The following PCDHA8 variants were observed in gnomAD, a reference collection of about 807,000 sequenced individuals.
PCDHA8 encodes the protein protocadherin alpha-8.
A neutral mutation model predicts 61.8 loss-of-function variants in PCDHA8; 53 were observed. The ratio of observed to expected loss-of-function variants is 0.86; its 90% confidence interval spans 0.69 to 1.08. The LOEUF is 1.08. Among genes scored for constraint, PCDHA8 ranks in the 50% least tolerant of loss-of-function variants. PCDHA8 has a pLI of 0.00. For missense variants in PCDHA8, 1,293 were observed against 1,245.0 expected, an observed-to-expected ratio of 1.04 and a Z score of -0.58; for synonymous variants, 618 against 556.6, an observed-to-expected ratio of 1.11 and a Z score of -1.55.
Position 140,842,580 on chromosome 5 carries a change from C to G in PCDHA8, c.1259C>G (p.Ala420Gly). The part of the protein sequence containing the change: ...DSALDRERVS[A>G]YELVVTARDG... ...GCCCTGGACCGCGAGAGAGTGTCGG[C>G]CTATGAGTTGGTGGTAACCGCGCGG... Residue 420 changes from alanine (A) to glycine (G), a missense_variant, in exon 1 of 4, where the codon GCC (alanine) becomes GGC (glycine). By Grantham distance (60) the Ala-to-Gly change is moderately conservative. Coordinates refer to ENST00000531613, the MANE Select transcript of PCDHA8 (RefSeq NM_018911.3). 1 of 1,517,750 alleles carries G rather than the reference C, an allele frequency of 6.6e-7. No homozygotes were observed. The highest frequency in any genetic ancestry group is 9.0e-7 in the Non-Finnish European group (1 of 1,116,480). The allele number at this position is 1,517,750 out of a possible 1,614,324, so 94.0% of individuals were successfully genotyped here. A position where few individuals can be genotyped will look rare whatever the true frequency, so the allele number is the denominator to read the frequency against.
intron 1 of PCDHA8, chr5:140,927,020 T>G: frequency 6.2e-7 from 1 of 1,612,524 alleles, no homozygotes; most frequent in Non-Finnish European, 8.5e-7. Flanking sequence ...TCCGCGGACT[T>G]GAGGCTGCCA....
At chr5:140,968,849 G>A in intron 1 of PCDHA8, 1 of 1,614,206 alleles carries the variant, frequency 6.2e-7, no homozygotes, top group East Asian at 2.2e-5. Context: ...TCAGAGGCAT[G>A]TTAAGAGCCC....
intron 1 of PCDHA8, among the ~76,000 whole-genome samples, chr5:140,934,320 T>C (rs910163789): frequency 6.6e-6 from 1 of 152,154 alleles, no homozygotes; most frequent in Non-Finnish European, 1.5e-5. Flanking sequence ...AAATGTCCAA[T>C]CATGAATGTA....
chr5:140,943,305 CATT>C (rs1322564942), intron 1 of PCDHA8, among the ~76,000 whole-genome samples: 13 of 146,998 alleles, frequency 8.8e-5, no homozygotes, highest in African/African-American at 3.0e-4. Flanking sequence ...TTTGGGAAGT[CATT>C]ATTAGCAATA....
intron 1 of PCDHA8, chr5:140,926,634 T>C (rs2083423230): frequency 6.8e-6 from 3 of 438,778 alleles, no homozygotes; most frequent in Non-Finnish European, 1.2e-5. Context: ...GCTGCGCTCC[T>C]CAACACCCGG....
In PCDHA8 at chr5:141,010,896, A is replaced by G. The variant is rs1433932699; in HGVS notation, c.*959A>G. 6.5e-6 allele frequency: 1 copy of G among 153,790 alleles called. No individual in the cohort carries two copies. The highest frequency in any genetic ancestry group is 1.5e-5 in the Non-Finnish European group (1 of 68,052). The allele number at this position is 153,790 out of a possible 1,614,324, so 9.5% of individuals were successfully genotyped here. A position where few individuals can be genotyped will look rare whatever the true frequency, so the allele number is the denominator to read the frequency against. Reference sequence around the variant, plus strand: ...ATCTTTAAAGAGAAATATGAATACAATTCCCCTAAACTCTCCTCAAAAGAG... The same window carrying G: ...ATCTTTAAAGAGAAATATGAATACAGTTCCCCTAAACTCTCCTCAAAAGAG... On this transcript the variant is annotated 3_prime_UTR_variant, in exon 4 of 4. Coordinates refer to ENST00000531613, the MANE Select transcript of PCDHA8 (RefSeq NM_018911.3).
intron 1 of PCDHA8, chr5:140,867,560 C>G (rs1352328708): frequency 1.3e-5 from 2 of 152,070 alleles, no homozygotes; most frequent in African/African-American, 4.8e-5. Context: ...CATATGATAA[C>G]TTTTTCATAT....
chr5:140,857,076 A>C (rs782010117), intron 1 of PCDHA8: 1 of 1,596,990 alleles, frequency 6.3e-7, no homozygotes, highest in Admixed American at 1.7e-5. Flanking sequence ...CTGGATGAAA[A>C]TGATAATTCA....
At chr5:140,986,077 A>G (rs1335070462) in intron 3 of PCDHA8, among the ~76,000 whole-genome samples, 2 of 152,094 alleles carry the variant, frequency 1.3e-5, no homozygotes, top group Non-Finnish European at 2.9e-5. Flanking sequence ...GAAACTGTTC[A>G]TTTATTTTCA....
chr5:140,950,995 C>G (rs1554219713), intron 1 of PCDHA8, among the ~76,000 whole-genome samples: 1 of 151,856 alleles, frequency 6.6e-6, no homozygotes, highest in Non-Finnish European at 1.5e-5. Flanking sequence ...TCTTTTAGCT[C>G]CATTTTTCCC....
chr5:140,848,195 C>T lies in PCDHA8; in HGVS notation c.2394+4480C>T, dbSNP rs2150407031. ...GCAAGAGAAACGGGATCTTCTGTTT[C>T]AACAATCATTACTTAAGAAAAAATT... On this transcript the variant is annotated intron_variant, in intron 1 of 3. Transcript: ENST00000531613. 38 of 306,006 alleles carry T rather than the reference C, an allele frequency of 1.2e-4. 1 individual carries two copies. Among genetic ancestry groups the T allele is most frequent in the Admixed American group, 5.2e-4 (11 of 21,218 alleles). 19.0% of individuals were successfully genotyped at this position (306,006 alleles called of 1,614,324 possible).
chr5:140,855,491 A>G (rs251361), intron 1 of PCDHA8, among the ~76,000 whole-genome samples: 72,952 of 149,084 alleles, frequency 0.49, 20,776 homozygotes, highest in South Asian at 0.61. Flanking sequence ...TTAGTGTCTA[A>G]ATAAACCTTA....
intron 1 of PCDHA8, among the ~76,000 whole-genome samples, chr5:140,974,059 G>A (rs1233997260): frequency 6.6e-6 from 1 of 152,180 alleles, no homozygotes; most frequent in Non-Finnish European, 1.5e-5. Context: ...AATATTTGGA[G>A]CAGTATAATC....
chr5:140,988,418 G>T (rs1372180292), intron 3 of PCDHA8, among the ~76,000 whole-genome samples: 2 of 152,150 alleles, frequency 1.3e-5, no homozygotes, highest in Non-Finnish European at 2.9e-5. Context: ...CTTATGTAAA[G>T]AATTTGTTTG....
At chr5:140,846,369 C>CTTTTTTTTTTT (rs797033964) in intron 1 of PCDHA8, among the ~76,000 whole-genome samples, 5 of 102,192 alleles carry the variant, frequency 4.9e-5, no homozygotes, top group African/African-American at 7.6e-5. Context: ...TCTTTTCTTT[C>CTTTTTTTTTTT]TTTCTTTTTT....
chr5:141,001,943 A>G (rs1197227753), intron 3 of PCDHA8, among the ~76,000 whole-genome samples: 1 of 147,256 alleles, frequency 6.8e-6, no homozygotes, highest in African/African-American at 2.7e-5. Flanking sequence ...GAGCGGAAAT[A>G]AGGAGGAGGG....
intron 1 of PCDHA8, among the ~76,000 whole-genome samples, chr5:140,951,812 A>G (rs2094639418): frequency 1.3e-5 from 2 of 152,152 alleles, no homozygotes; most frequent in Admixed American, 1.3e-4. Context: ...ATGGTCCCTC[A>G]AAGTCTGAAC....
rs1207145020 is a variant in PCDHA8, at chr5:140,966,511, A to G, written c.2395-12438A>G. On this transcript the variant is annotated intron_variant, in intron 1 of 3. Coordinates refer to ENST00000531613, the MANE Select transcript of PCDHA8 (RefSeq NM_018911.3). ...CCCCTGGAGCTGTAGCGGCAGCAGC[A>G]GCAGGAAGCCGAGCCGGGTTGAGCG... The G allele has an allele frequency of 7.1e-5, 31 of 433,774 alleles. No homozygotes were observed. In the East Asian group the frequency reaches 1.1e-3, roughly 15 times the overall value. 26.9% of individuals were successfully genotyped at this position (433,774 alleles called of 1,614,324 possible). A position where few individuals can be genotyped will look rare whatever the true frequency, so the allele number is the denominator to read the frequency against.
At chr5:140,918,324 A>G (rs782356672) in intron 1 of PCDHA8, among the ~76,000 whole-genome samples, 1 of 152,058 alleles carries the variant, frequency 6.6e-6, no homozygotes, top group Non-Finnish European at 1.5e-5. Flanking sequence ...ATAAAATTAT[A>G]TTGTCTGCTA....
Sources: gnomAD v4.1 joint callset for allele counts (sites outside exome capture counted in the v4.1 genomes callset) on GRCh38, gnomAD v4.1.1 for gene constraint, MANE v1.5 for transcripts, NCBI Gene and HGNC (gene_info 2026-07-23, HGNC 2026-07-21) for gene names.